The following CCDC201 variants were observed in gnomAD, a reference collection of about 807,000 sequenced individuals.
The protein encoded by CCDC201 is coiled-coil domain-containing protein 201.
chr7:45,868,464 T>A (rs1325197935), intron 1 of CCDC201, among the ~76,000 whole-genome samples: 1 of 152,142 alleles, frequency 6.6e-6, no homozygotes, highest in Non-Finnish European at 1.5e-5. Flanking sequence ...ACTACCAAAT[T>A]GTGAAGGTCA....
intron 1 of CCDC201, among the ~76,000 whole-genome samples, chr7:45,871,142 G>A (rs1786739186): frequency 6.6e-6 from 1 of 152,176 alleles, no homozygotes; most frequent in African/African-American, 2.4e-5. Flanking sequence ...TTTTACAAAT[G>A]TATGCCCAGA....
upstream of CCDC201, among the ~76,000 whole-genome samples, chr7:45,877,882 A>T (rs529552432): frequency 6.6e-6 from 1 of 152,330 alleles, no homozygotes; most frequent in East Asian, 1.9e-4. Flanking sequence ...TTAACTCAAA[A>T]GTCCAGGTCC....
At chr7:45,882,954 A>G in the CCDC201 span, among the ~76,000 whole-genome samples, 1 of 152,166 alleles carries the variant, frequency 6.6e-6, no homozygotes, top group East Asian at 1.9e-4. Flanking sequence ...CCTACATAAA[A>G]TGCCTGTATG....
intron 1 of CCDC201, among the ~76,000 whole-genome samples, chr7:45,867,574 G>T (rs374254183): frequency 6.6e-6 from 1 of 152,224 alleles, no homozygotes; most frequent in South Asian, 2.1e-4. Context: ...ATTAGCAAGT[G>T]CATGTCCATT....
At chr7:45,874,222 T>G (rs1786775165), upstream of CCDC201, among the ~76,000 whole-genome samples, 1 of 152,160 alleles carries the variant, frequency 6.6e-6, no homozygotes, top group Admixed American at 6.5e-5. Context: ...AGTAAGCCTG[T>G]TTTAATAAGG....
chr7:45,881,751 G>A, the CCDC201 span, among the ~76,000 whole-genome samples: 4 of 152,122 alleles, frequency 2.6e-5, no homozygotes, highest in Non-Finnish European at 4.4e-5. Flanking sequence ...GGATGGCCTC[G>A]CTTCCATCGC....
At chr7:45,878,117 C>G in the CCDC201 span, among the ~76,000 whole-genome samples, 1 of 152,236 alleles carries the variant, frequency 6.6e-6, no homozygotes, top group Non-Finnish European at 1.5e-5. Flanking sequence ...ATCCAGGCCA[C>G]AGTGATGCAA....
the CCDC201 span, among the ~76,000 whole-genome samples, chr7:45,878,093 TC>T: frequency 2.6e-5 from 4 of 152,136 alleles, no homozygotes; most frequent in Non-Finnish European, 5.9e-5. Flanking sequence ...CAAAACAATC[TC>T]CTTTGACTTC....
chr7:45,882,563 G>A, the CCDC201 span, among the ~76,000 whole-genome samples: 4 of 152,152 alleles, frequency 2.6e-5, no homozygotes, highest in African/African-American at 7.2e-5. Flanking sequence ...TGAGTGCAAC[G>A]GTCAACATTT....
At chr7:45,863,244 G>A (rs1786624907) in intron 2 of CCDC201, 73 bp from the exon 3 acceptor site, 1 of 152,266 alleles carries the variant, frequency 6.6e-6, no homozygotes, top group African/African-American at 2.4e-5. Flanking sequence ...GCTGCAAAAT[G>A]TGCTTTAGAA....
intron 1 of CCDC201, among the ~76,000 whole-genome samples, chr7:45,866,995 G>A (rs12666800): frequency 0.1 from 15,258 of 152,178 alleles, 840 homozygotes; most frequent in Admixed American, 0.12. Flanking sequence ...CCAACCCCAA[G>A]CCCCAGGATG....
chr7:45,880,601 G>T, the CCDC201 span, among the ~76,000 whole-genome samples: 7 of 152,334 alleles, frequency 4.6e-5, no homozygotes, highest in South Asian at 8.3e-4. Flanking sequence ...TGCAGGTGAT[G>T]GTACCCCACG....
intron 1 of CCDC201, among the ~76,000 whole-genome samples, chr7:45,866,731 A>G (rs1009241708): frequency 6.6e-6 from 1 of 152,152 alleles, no homozygotes; most frequent in African/African-American, 2.4e-5. Flanking sequence ...CATGGATGTA[A>G]TTATTGTCAA....
chr7:45,880,891 C>A, the CCDC201 span, among the ~76,000 whole-genome samples: 22 of 152,238 alleles, frequency 1.4e-4, 1 homozygote, highest in South Asian at 4.4e-3. Context: ...TGAGTGGCAG[C>A]CCTGGTGTTT....
chr7:45,881,190 T>C, the CCDC201 span, among the ~76,000 whole-genome samples: 1 of 152,184 alleles, frequency 6.6e-6, no homozygotes, highest in African/African-American at 2.4e-5. Flanking sequence ...GGGAATGAGA[T>C]GCATGTGTCT....
the CCDC201 span, among the ~76,000 whole-genome samples, chr7:45,881,363 T>A: frequency 6.6e-6 from 1 of 152,064 alleles, no homozygotes; most frequent in Non-Finnish European, 1.5e-5. Flanking sequence ...TCTTATGGAG[T>A]GGTTTTGTGC....
chr7:45,876,659 T>C (rs1786812108), upstream of CCDC201, among the ~76,000 whole-genome samples: 1 of 152,218 alleles, frequency 6.6e-6, no homozygotes, highest in African/African-American at 2.4e-5. Flanking sequence ...ATATTTTGTT[T>C]GTGTCTGTGA....
At chr7:45,880,516 A>G in the CCDC201 span, among the ~76,000 whole-genome samples, 2 of 152,132 alleles carry the variant, frequency 1.3e-5, no homozygotes, top group African/African-American at 4.8e-5. Flanking sequence ...GGCACACTGT[A>G]TGCTGGTGAT....
rs548649164 is a variant in CCDC201 at position 45,867,801 on chromosome 7, G to T, written c.19-1307C>A. On this transcript the variant is annotated intron_variant, in intron 1 of 2. Transcript: ENST00000636578. ...GACGTCACCACTTTGCTAAATTATT[G>T]TATGCATTTGTACACAGAGAGGATT... Among the ~76,000 whole-genome samples the T allele has an allele frequency of 1.6e-4, 25 of 152,316 alleles. No individual in the cohort carries two copies. The South Asian group carries it at 4.4e-3, about 27-fold the overall frequency.
Sources: gnomAD v4.1 joint callset for allele counts (sites outside exome capture counted in the v4.1 genomes callset) on GRCh38, gnomAD v4.1.1 for gene constraint, MANE v1.5 for transcripts, NCBI Gene and HGNC (gene_info 2026-07-23, HGNC 2026-07-21) for gene names.